RAD54B: variants seen among roughly 807,000 people sequenced by gnomAD.
The protein encoded by RAD54B is DNA repair and recombination protein RAD54B.
A neutral mutation model predicts 95.8 loss-of-function variants in RAD54B; 78 were observed. The observed-to-expected ratio is 0.81, with a 90% CI of 0.68 to 0.98. The LOEUF (loss-of-function observed/expected upper bound fraction) is 0.98, where lower values mean the gene tolerates loss of function less well. Ranked by LOEUF, RAD54B falls within the 50% of genes least tolerant of loss-of-function variation. RAD54B has a pLI of 0.00. For missense variants in RAD54B, 957 were observed against 1,056.6 expected (o/e 0.91, Z 1.31); for synonymous variants, 328 against 354.9 (o/e 0.92, Z 0.85).
At chr8:94,472,933 G>C (rs567900878) in intron 1 of RAD54B, among the ~76,000 whole-genome samples, 1 of 151,200 alleles carries the variant, frequency 6.6e-6, no homozygotes, top group Non-Finnish European at 1.5e-5. Context: ...CATCAGCACA[G>C]AGCAGTGGTT....
chr8:94,406,926 T>C (rs2450570), intron 5 of RAD54B, among the ~76,000 whole-genome samples: 130,902 of 151,922 alleles, frequency 0.86, 57,692 homozygotes, highest in Non-Finnish European at 0.96. Context: ...TTTTTTTTAA[T>C]GTGATTTTTA....
intron 3 of RAD54B, among the ~76,000 whole-genome samples, chr8:94,424,131 A>G (rs958797143): frequency 2.6e-5 from 4 of 152,246 alleles, no homozygotes; most frequent in African/African-American, 9.6e-5. Flanking sequence ...GAAATTACTT[A>G]TAAGTAACTT....
At chr8:94,422,620 A>AAAT (rs1811845014) in intron 3 of RAD54B, among the ~76,000 whole-genome samples, 2 of 42,338 alleles carry the variant, frequency 4.7e-5, no homozygotes, top group Non-Finnish European at 7.9e-5. Flanking sequence ...AAAAAAAAAT[A>AAAT]TATATATATA....
At chr8:94,448,474 A>C (rs2130153302) in intron 3 of RAD54B, among the ~76,000 whole-genome samples, 1 of 152,288 alleles carries the variant, frequency 6.6e-6, no homozygotes, top group African/African-American at 2.4e-5. Flanking sequence ...GCACACACCC[A>C]AAGGAGATGA....
chr8:94,410,886 AG>A (rs1811511195), intron 4 of RAD54B, among the ~76,000 whole-genome samples: 1 of 152,146 alleles, frequency 6.6e-6, no homozygotes, highest in Admixed American at 6.5e-5. Flanking sequence ...CCATTTTTGG[AG>A]AAAATGAAAC....
At chr8:94,435,803 C>G (rs1443991259) in intron 3 of RAD54B, among the ~76,000 whole-genome samples, 1 of 151,858 alleles carries the variant, frequency 6.6e-6, no homozygotes, top group African/African-American at 2.4e-5. Context: ...CCTATACGAC[C>G]CAAGATCAAA....
At chr8:94,388,967 G>A (rs1489523428) in intron 10 of RAD54B, among the ~76,000 whole-genome samples, 7 of 152,338 alleles carry the variant, frequency 4.6e-5, no homozygotes, top group Admixed American at 1.3e-4. Context: ...GAATAAGTCA[G>A]AATGAAAATG....
rs973461626 is a variant in RAD54B at position 94,378,077 on chromosome 8, T to C, written c.2515+103A>G. ...CTGAGAAAAAAATAAAACTAACATATGCAAATGGTAAATATTATAAAGTTA... is the reference window on the plus strand; with the variant it reads ...CTGAGAAAAAAATAAAACTAACATACGCAAATGGTAAATATTATAAAGTTA... On this transcript the variant is annotated intron_variant, in intron 14 of 14. Coordinates refer to ENST00000336148, the MANE Select transcript of RAD54B (RefSeq NM_012415.3). 8.0e-6 allele frequency: 7 copies of C among 875,582 alleles called. No homozygotes were observed. In the African/African-American group the frequency reaches 1.2e-4, roughly 15 times the overall value. 54.2% of individuals were successfully genotyped at this position (875,582 alleles called of 1,614,324 possible).
chr8:94,420,819 T>C (rs1811788352), intron 3 of RAD54B, among the ~76,000 whole-genome samples: 8 of 151,834 alleles, frequency 5.3e-5, no homozygotes, highest in Admixed American at 5.3e-4. Context: ...ACCCCGTCTC[T>C]ACTAAAAATA....
chr8:94,437,003 G>A, intron 3 of RAD54B: 1 of 1,387,054 alleles, frequency 7.2e-7, no homozygotes, highest in South Asian at 1.9e-5. Context: ...ACAGGGGAGG[G>A]TTTATTAAAA....
chr8:94,445,603 C>T (rs1270119054), intron 3 of RAD54B, among the ~76,000 whole-genome samples: 1 of 152,124 alleles, frequency 6.6e-6, no homozygotes, highest in Non-Finnish European at 1.5e-5. Context: ...TACTGAATAA[C>T]ACCATTTATT....
At chr8:94,427,997 T>G (rs1046526114) in intron 3 of RAD54B, 55 of 929,590 alleles carry the variant, frequency 5.9e-5, no homozygotes, top group Non-Finnish European at 7.1e-5. Context: ...TACTTGACTA[T>G]TTTAAGAAAT....
At chr8:94,459,194 A>C (rs1255345670) in intron 2 of RAD54B, among the ~76,000 whole-genome samples, 1 of 152,050 alleles carries the variant, frequency 6.6e-6, no homozygotes, top group Non-Finnish European at 1.5e-5. Context: ...TCTGGTACCC[A>C]GGCTGAAGAG....
At chr8:94,441,735 T>G (rs1014777262) in intron 3 of RAD54B, among the ~76,000 whole-genome samples, 2 of 152,170 alleles carry the variant, frequency 1.3e-5, no homozygotes, top group African/African-American at 4.8e-5. Context: ...GTTCCAACTC[T>G]CTAATGGTGC....
At chr8:94,457,164 G>A (rs10097107) in intron 3 of RAD54B, among the ~76,000 whole-genome samples, 8,032 of 152,036 alleles carry the variant, frequency 0.053, 252 homozygotes, top group African/African-American at 0.081. Context: ...TTTCTACCTC[G>A]GGCTTAAAGT....
chr8:94,394,178 A>G (rs984465895), intron 8 of RAD54B, among the ~76,000 whole-genome samples: 3 of 152,188 alleles, frequency 2.0e-5, no homozygotes, highest in African/African-American at 7.2e-5. Flanking sequence ...TCCTACCTGC[A>G]TCACTTACTC....
rs550843058 is a variant in RAD54B, at chr8:94,395,658, C to T, written c.1379-1776G>A. On this transcript the variant is annotated intron_variant, in intron 8 of 14. Transcript: ENST00000336148. ...GTTCCATCAGTAGCATGTGACTCAT[C>T]CTGGCCAATGAGACATGAGAAGTCA... 8.9e-4 allele frequency among the ~76,000 whole-genome samples: 135 copies of T among 152,240 alleles called. 1 individual carries two copies. The highest frequency in any genetic ancestry group is 1.8e-4 in the Non-Finnish European group (12 of 68,016).
At chr8:94,432,667 C>T in intron 3 of RAD54B, 1 of 1,469,224 alleles carries the variant, frequency 6.8e-7, no homozygotes, top group South Asian at 1.5e-5. Context: ...CTATAGCACA[C>T]AAAAAAGCAT....
intron 1 of RAD54B, among the ~76,000 whole-genome samples, chr8:94,469,098 T>C (rs1174442059): frequency 2.4e-5 from 3 of 125,398 alleles, no homozygotes; most frequent in East Asian, 4.5e-4. Flanking sequence ...AGCCCATCTC[T>C]TGTTTTTTTT....
Sources: gnomAD v4.1 joint callset for allele counts (sites outside exome capture counted in the v4.1 genomes callset) on GRCh38, gnomAD v4.1.1 for gene constraint, MANE v1.5 for transcripts, NCBI Gene and HGNC (gene_info 2026-07-23, HGNC 2026-07-21) for gene names.